The following WDR72 variants were observed in gnomAD, a reference collection of about 807,000 sequenced individuals.
WDR72 encodes WD repeat-containing protein 72.
Under a neutral mutation model 124.2 loss-of-function variants are expected in WDR72, and 120 were observed. That is an observed-to-expected ratio of 0.97 (90% CI 0.83 to 1.12). WDR72 has a LOEUF of 1.12. Ranked by LOEUF, WDR72 falls within the 50% of genes most tolerant of loss-of-function variation. WDR72 has a pLI of 0.00. For missense variants in WDR72, 1,387 were observed against 1,278.8 expected, an observed-to-expected ratio of 1.08 and a Z score of -1.29; for synonymous variants, 452 against 441.7, an observed-to-expected ratio of 1.02 and a Z score of -0.29.
At chr15:53,636,200 C>T (rs2014617080) in intron 14 of WDR72, among the ~76,000 whole-genome samples, 1 of 152,064 alleles carries the variant, frequency 6.6e-6, no homozygotes. Context: ...TTTTTCTATG[C>T]CCATGTCCCA....
chr15:53,706,369 T>TATATATATATATAC (rs1567040190), intron 9 of WDR72, among the ~76,000 whole-genome samples: 14 of 51,012 alleles, frequency 2.7e-4, no homozygotes, highest in Non-Finnish European at 4.4e-4. Flanking sequence ...TATATATATA[T>TATATATATATATAC]ATATATATAT....
intron 18 of WDR72, among the ~76,000 whole-genome samples, chr15:53,595,793 T>C (rs528472791): frequency 6.6e-6 from 1 of 152,198 alleles, no homozygotes; most frequent in Non-Finnish European, 1.5e-5. Context: ...TTACGTGATA[T>C]GATGAAACAG....
At chr15:53,687,042 T>C (rs2016658699) in intron 13 of WDR72, among the ~76,000 whole-genome samples, 1 of 150,740 alleles carries the variant, frequency 6.6e-6, no homozygotes, top group African/African-American at 2.5e-5. Context: ...TACCAGAATC[T>C]CTGGGACGCA....
At chr15:53,702,446 A>G (rs2017212792) in intron 11 of WDR72, 92 bp from the exon 12 acceptor site, 1 of 1,051,532 alleles carries the variant, frequency 9.5e-7, no homozygotes, top group Non-Finnish European at 1.4e-6. Context: ...TAACATAAGG[A>G]AATTACATAT....
intron 13 of WDR72, among the ~76,000 whole-genome samples, chr15:53,669,868 A>C (rs2015928011): frequency 6.6e-6 from 1 of 152,248 alleles, no homozygotes. Context: ...AAAATTGCTT[A>C]ATTCAACTTC....
rs759068094 is a variant in WDR72 at position 53,665,627 on chromosome 15, G to A, written c.1907C>T (p.Pro636Leu). 1 of 1,613,876 alleles carries A rather than the reference G, an allele frequency of 6.2e-7. No individual in the cohort carries two copies. Among genetic ancestry groups the A allele is most frequent in the Non-Finnish European group, 8.5e-7 (1 of 1,179,866 alleles). Residue 636 changes from proline (P) to leucine (L), a missense_variant, in exon 14 of 20, where the codon CCC (proline) becomes CTC (leucine). Physicochemically the swap from Pro to Leu is moderately conservative, Grantham distance 98 (BLOSUM62 -3). Coordinates refer to ENST00000360509, the MANE Select transcript of WDR72 (RefSeq NM_182758.4). ...HKSIEQRSSSPYQLGPLPCPG... is the reference protein window; with the variant it reads ...HKSIEQRSSSLYQLGPLPCPG... ...GCAAGGTAATGGCCCAAGCTGGTAGGGGCTGGAGGATCTCTGTTCTATACT... is the reference window on the plus strand; with the variant it reads ...GCAAGGTAATGGCCCAAGCTGGTAGAGGCTGGAGGATCTCTGTTCTATACT...
intron 17 of WDR72, among the ~76,000 whole-genome samples, chr15:53,606,264 C>A (rs948576071): frequency 1.3e-5 from 2 of 152,066 alleles, no homozygotes; most frequent in Admixed American, 6.6e-5. Flanking sequence ...ATAATTTTTT[C>A]CCCATTTAGG....
At chr15:53,714,239 T>G (rs1162164853) in intron 6 of WDR72, among the ~76,000 whole-genome samples, 195 bp downstream of exon 6, 1 of 150,576 alleles carries the variant, frequency 6.6e-6, no homozygotes, top group South Asian at 2.1e-4. Flanking sequence ...GGAGAAAAGG[T>G]TGGAAGGATA....
At chr15:53,760,546 G>T, upstream of WDR72, among the ~76,000 whole-genome samples, 1 of 152,244 alleles carries the variant, frequency 6.6e-6, no homozygotes. Flanking sequence ...ACTCCACCGT[G>T]TATATGTACC....
At chr15:53,522,563 G>A (rs1053539663) in intron 19 of WDR72, among the ~76,000 whole-genome samples, 6 of 152,030 alleles carry the variant, frequency 3.9e-5, no homozygotes, top group African/African-American at 1.4e-4. Flanking sequence ...GTTTCAAAAT[G>A]AAACAAAAAT....
intron 18 of WDR72, among the ~76,000 whole-genome samples, chr15:53,573,372 C>T (rs1393741499): frequency 6.6e-6 from 1 of 152,158 alleles, no homozygotes; most frequent in Non-Finnish European, 1.5e-5. Context: ...ATGTGCCTTT[C>T]TTTTCCAATA....
intron 3 of WDR72, among the ~76,000 whole-genome samples, chr15:53,720,243 T>A (rs2017838857): frequency 6.6e-6 from 1 of 152,180 alleles, no homozygotes; most frequent in Admixed American, 6.5e-5. Flanking sequence ...TAAATATAGC[T>A]TAAGGTCTAA....
intron 13 of WDR72, among the ~76,000 whole-genome samples, chr15:53,681,662 C>T (rs2016388197): frequency 6.6e-6 from 1 of 152,076 alleles, no homozygotes. Flanking sequence ...ATTTTAAGAG[C>T]AGACAATATT....
At chr15:53,534,941 A>G (rs1892678966) in intron 18 of WDR72, among the ~76,000 whole-genome samples, 1 of 152,184 alleles carries the variant, frequency 6.6e-6, no homozygotes, top group Non-Finnish European at 1.5e-5. Flanking sequence ...GGCCTAGATT[A>G]TACTAGTTCT....
rs2013748863 is a variant in WDR72, at chr15:53,615,982, G to A, written c.2224C>T (p.Leu742=). The change falls in exon 15 of 20, where the codon CTA becomes TTA. Residue 742 remains leucine, a synonymous_variant. Transcript: ENST00000360509. The part of the protein sequence containing the change: ...TACGPLSAEA[L]AKPITESLAQ... ...AGGCTTTCAGTAATAGGCTTGGCTA[G>A]TGCCTCTGCTGAAAGAGGACCACAG... is the stretch of plus-strand genomic sequence containing the variant. 1 of 1,613,242 alleles carries A rather than the reference G, an allele frequency of 6.2e-7. No individual in the cohort carries two copies.
rs577642740 is a variant in WDR72, at chr15:53,531,874, A to G, written c.3149-8552T>C. On this transcript the variant is annotated intron_variant, in intron 18 of 19. Transcript: ENST00000360509. ...CAATATAGTTTTACACATTGTTTGG[A>G]AAAATGCATGGTAAATCTCTAAGAC... 3.1e-3 allele frequency among the ~76,000 whole-genome samples: 473 copies of G among 152,206 alleles called. 1 individual carries two copies. Among genetic ancestry groups the G allele is most frequent in the Middle Eastern group, 6.8e-3 (2 of 294 alleles).
At chr15:53,555,845 A>T (rs1167190699) in intron 18 of WDR72, among the ~76,000 whole-genome samples, 3 of 152,114 alleles carry the variant, frequency 2.0e-5, no homozygotes, top group African/African-American at 7.2e-5. Flanking sequence ...AAAGTCTTAT[A>T]GCACTCCTTC....
chr15:53,609,445 G>A (rs1236289147), intron 17 of WDR72, 68 bp downstream of exon 17: 9 of 1,326,618 alleles, frequency 6.8e-6, no homozygotes, highest in African/African-American at 1.4e-5. Flanking sequence ...CAGATAGAGG[G>A]GGGTATCCAT....
Position 53,578,409 on chromosome 15 carries a change from C to T in WDR72, c.3148+18670G>A, listed in dbSNP as rs115098329. Among the ~76,000 whole-genome samples, 475 of 152,196 alleles carry T rather than the reference C, an allele frequency of 3.1e-3. 1 individual carries two copies. The highest frequency in any genetic ancestry group is 0.011 in the African/African-American group (456 of 41,528). Reference sequence around the variant, plus strand: ...TTTAGGCAGGAGGCTGCAGACTCTCCACGGCTGCCCTTCTCATTGTATCCC... The same window carrying T: ...TTTAGGCAGGAGGCTGCAGACTCTCTACGGCTGCCCTTCTCATTGTATCCC... On this transcript the variant is annotated intron_variant, in intron 18 of 19. Coordinates refer to ENST00000360509, the MANE Select transcript of WDR72 (RefSeq NM_182758.4).
Sources: gnomAD v4.1 joint callset for allele counts (sites outside exome capture counted in the v4.1 genomes callset) on GRCh38, gnomAD v4.1.1 for gene constraint, MANE v1.5 for transcripts, NCBI Gene and HGNC (gene_info 2026-07-23, HGNC 2026-07-21) for gene names.